PABPC4L: variants seen among roughly 807,000 people sequenced by gnomAD.
PABPC4L encodes polyadenylate-binding protein 4-like.
For missense variants in PABPC4L, 452 were observed against 451.4 expected, an observed-to-expected ratio of 1.00 and a Z score of -0.01; for synonymous variants, 169 against 164.1, an observed-to-expected ratio of 1.03 and a Z score of -0.23.
At chr4:134,094,503 C>G in the PABPC4L span, among the ~76,000 whole-genome samples, 4 of 151,898 alleles carry the variant, frequency 2.6e-5, no homozygotes, top group Non-Finnish European at 4.4e-5. Flanking sequence ...GTATAGAACA[C>G]TTCTGATGAA....
At chr4:133,997,206 G>A in the PABPC4L span, among the ~76,000 whole-genome samples, 2 of 152,076 alleles carry the variant, frequency 1.3e-5, no homozygotes, top group African/African-American at 4.8e-5. Flanking sequence ...GAAGAGTCAG[G>A]AGTCATACAT....
the PABPC4L span, among the ~76,000 whole-genome samples, chr4:134,167,899 A>T: frequency 6.6e-6 from 1 of 152,060 alleles, no homozygotes; most frequent in African/African-American, 2.4e-5. Context: ...GAAAATAAAC[A>T]ACAAAACAGA....
chr4:134,066,091 C>CT, the PABPC4L span, among the ~76,000 whole-genome samples: 1 of 151,946 alleles, frequency 6.6e-6, no homozygotes, highest in African/African-American at 2.4e-5. Flanking sequence ...TATTAGGGCT[C>CT]TTTTTTCATT....
chr4:133,976,464 C>T, the PABPC4L span, among the ~76,000 whole-genome samples: 9 of 152,040 alleles, frequency 5.9e-5, no homozygotes, highest in African/African-American at 1.4e-4. Flanking sequence ...ATATTCCTTT[C>T]GGTTTATACC....
the PABPC4L span, among the ~76,000 whole-genome samples, chr4:134,025,539 G>A: frequency 6.6e-6 from 1 of 152,046 alleles, no homozygotes; most frequent in Non-Finnish European, 1.5e-5. Flanking sequence ...TTGAATCTAT[G>A]ACTGTAAATA....
the PABPC4L span, among the ~76,000 whole-genome samples, chr4:134,161,808 A>G: frequency 6.6e-6 from 1 of 152,240 alleles, no homozygotes; most frequent in Non-Finnish European, 1.5e-5. Context: ...AAAAAAGCTC[A>G]TATATTTCAT....
At chr4:134,185,165 A>C in the PABPC4L span, among the ~76,000 whole-genome samples, 1 of 151,988 alleles carries the variant, frequency 6.6e-6, no homozygotes, top group Non-Finnish European at 1.5e-5. Context: ...ATTCCAGCTT[A>C]TCTATTACTT....
the PABPC4L span, among the ~76,000 whole-genome samples, chr4:134,185,949 C>G: frequency 3.3e-5 from 5 of 151,956 alleles, no homozygotes; most frequent in African/African-American, 9.7e-5. Flanking sequence ...GCTACAAAGA[C>G]AATAAAATAC....
the PABPC4L span, among the ~76,000 whole-genome samples, chr4:134,077,906 A>G: frequency 6.6e-6 from 1 of 152,298 alleles, no homozygotes; most frequent in East Asian, 1.9e-4. Flanking sequence ...ACTAAATTAC[A>G]TAGAACATCA....
At chr4:134,180,088 T>C in the PABPC4L span, among the ~76,000 whole-genome samples, 2 of 151,506 alleles carry the variant, frequency 1.3e-5, no homozygotes, top group African/African-American at 4.9e-5. Context: ...AAACAGAATA[T>C]ACACTATTAT....
chr4:133,984,603 A>G, the PABPC4L span, among the ~76,000 whole-genome samples: 1 of 151,888 alleles, frequency 6.6e-6, no homozygotes. Context: ...AAGAATCATT[A>G]AAGTACTGTT....
chr4:134,057,635 G>T, the PABPC4L span, among the ~76,000 whole-genome samples: 1 of 152,084 alleles, frequency 6.6e-6, no homozygotes, highest in Non-Finnish European at 1.5e-5. Flanking sequence ...GAGCATTAAG[G>T]TGAGCTGTTG....
the PABPC4L span, among the ~76,000 whole-genome samples, chr4:133,990,844 C>A: frequency 2.0e-5 from 3 of 152,026 alleles, no homozygotes; most frequent in South Asian, 2.1e-4. Context: ...TATTATCTAC[C>A]CTTTGCTCTC....
At chr4:134,132,892 A>AATATTAT in the PABPC4L span, among the ~76,000 whole-genome samples, 7 of 146,794 alleles carry the variant, frequency 4.8e-5, no homozygotes, top group African/African-American at 1.5e-4. Context: ...AATGTATTAA[A>AATATTAT]ATATTATATA....
At chr4:134,036,137 T>C in the PABPC4L span, among the ~76,000 whole-genome samples, 2 of 152,034 alleles carry the variant, frequency 1.3e-5, no homozygotes, top group African/African-American at 2.4e-5. Flanking sequence ...TTGAATACTA[T>C]GAATAAGCTG....
At chr4:134,174,216 TC>T in the PABPC4L span, among the ~76,000 whole-genome samples, 1 of 152,154 alleles carries the variant, frequency 6.6e-6, no homozygotes, top group East Asian at 1.9e-4. Context: ...TATGGAGCTA[TC>T]ATCTCCTATC....
chr4:134,175,606 G>T, the PABPC4L span, among the ~76,000 whole-genome samples: 1 of 151,996 alleles, frequency 6.6e-6, no homozygotes, highest in Non-Finnish European at 1.5e-5. Flanking sequence ...GTGCCATCAC[G>T]TCTGGCTAAT....
the PABPC4L span, among the ~76,000 whole-genome samples, chr4:134,178,566 T>G: frequency 6.6e-6 from 1 of 151,666 alleles, no homozygotes. Context: ...ATGTCAGAAA[T>G]AGAATTCAGA....
the PABPC4L span, among the ~76,000 whole-genome samples, chr4:134,189,937 C>G: frequency 6.6e-6 from 1 of 152,030 alleles, no homozygotes; most frequent in Admixed American, 6.6e-5. Context: ...ATACTGTCTT[C>G]CCCTTACCTG....
Sources: gnomAD v4.1 joint callset for allele counts (sites outside exome capture counted in the v4.1 genomes callset) on GRCh38, gnomAD v4.1.1 for gene constraint, MANE v1.5 for transcripts, NCBI Gene and HGNC (gene_info 2026-07-23, HGNC 2026-07-21) for gene names.